CDH12: variants seen among roughly 807,000 people sequenced by gnomAD.
The protein encoded by CDH12 is cadherin-12.
CDH12 carries 41 observed loss-of-function variants against 74.1 expected under a neutral mutation model. The observed-to-expected ratio is 0.55, with a 90% CI of 0.43 to 0.72. The LOEUF (loss-of-function observed/expected upper bound fraction) is 0.72, where lower values mean the gene tolerates loss of function less well. Among genes scored for constraint, CDH12 ranks in the 30% least tolerant of loss-of-function variants. The pLI, the probability that CDH12 is intolerant of heterozygous loss-of-function variation, is 0.00. For synonymous variants in CDH12, 399 were observed against 355.0 expected, an observed-to-expected ratio of 1.12 and a Z score of -1.39; for missense variants, 945 against 977.2, an observed-to-expected ratio of 0.97 and a Z score of 0.44.
At chr5:22,457,655 T>C (rs143138383) in intron 2 of CDH12, among the ~76,000 whole-genome samples, 1,951 of 151,412 alleles carry the variant, frequency 0.013, 48 homozygotes, top group African/African-American at 0.045. Flanking sequence ...CTTGGCTCAT[T>C]GCAGCCTCCA....
At chr5:22,204,175 T>G (rs1409845314) in intron 4 of CDH12, among the ~76,000 whole-genome samples, 3 of 143,682 alleles carry the variant, frequency 2.1e-5, no homozygotes, top group Admixed American at 6.9e-5. Flanking sequence ...TTTTTTTTTT[T>G]GTTTTTTGTT....
At chr5:22,776,879 T>G (rs991289656) in intron 1 of CDH12, among the ~76,000 whole-genome samples, 1 of 152,188 alleles carries the variant, frequency 6.6e-6, no homozygotes, top group Admixed American at 6.6e-5. Context: ...CACCACCAAT[T>G]AAGATAAGTT....
chr5:21,768,620 G>C (rs1745153983), intron 11 of CDH12, among the ~76,000 whole-genome samples: 1 of 151,856 alleles, frequency 6.6e-6, no homozygotes, highest in Non-Finnish European at 1.5e-5. Flanking sequence ...TCTTAACATA[G>C]TTAAAACAGT....
chr5:22,730,415 T>A (rs1463311972), intron 1 of CDH12, among the ~76,000 whole-genome samples: 1 of 151,838 alleles, frequency 6.6e-6, no homozygotes, highest in Non-Finnish European at 1.5e-5. Flanking sequence ...TCAAAAAATA[T>A]CTCAGCAGTA....
chr5:22,615,535 C>T (rs1230320890), intron 1 of CDH12, among the ~76,000 whole-genome samples: 2 of 152,008 alleles, frequency 1.3e-5, no homozygotes, highest in African/African-American at 4.8e-5. Flanking sequence ...TAAATGGAGG[C>T]TGCTCTTCAA....
chr5:22,336,383 A>G (rs1311842924), intron 3 of CDH12, among the ~76,000 whole-genome samples: 1 of 152,206 alleles, frequency 6.6e-6, no homozygotes, highest in Non-Finnish European at 1.5e-5. Context: ...GTTAATCCCC[A>G]AGACAAGGGG....
At chr5:22,635,647 G>A (rs1247141217) in intron 1 of CDH12, among the ~76,000 whole-genome samples, 6 of 152,158 alleles carry the variant, frequency 3.9e-5, no homozygotes, top group Non-Finnish European at 8.8e-5. Flanking sequence ...TGGGCGCGGT[G>A]GCTCAAGCCT....
At chr5:21,786,506 A>G (rs1315953041) in intron 10 of CDH12, among the ~76,000 whole-genome samples, 1 of 152,118 alleles carries the variant, frequency 6.6e-6, no homozygotes, top group Non-Finnish European at 1.5e-5. Flanking sequence ...GGAAAAAAAA[A>G]AATCCTTTCC....
intron 3 of CDH12, among the ~76,000 whole-genome samples, chr5:22,335,110 T>A (rs768591631): frequency 6.6e-6 from 1 of 152,168 alleles, no homozygotes; most frequent in African/African-American, 2.4e-5. Flanking sequence ...GACAAGAGAT[T>A]AATAACGAGA....
intron 3 of CDH12, among the ~76,000 whole-genome samples, chr5:22,364,866 A>G (rs1561347059): frequency 6.6e-6 from 1 of 152,200 alleles, no homozygotes; most frequent in South Asian, 2.1e-4. Context: ...AGTAGAAGAA[A>G]TCAGGCCAAT....
chr5:22,493,601 T>C (rs1288663732), intron 2 of CDH12, among the ~76,000 whole-genome samples: 8 of 152,022 alleles, frequency 5.3e-5, no homozygotes, highest in African/African-American at 1.9e-4. Context: ...CCTTACTTTT[T>C]CCTTTAAGAA....
intron 6 of CDH12, among the ~76,000 whole-genome samples, chr5:21,886,924 C>T (rs1376935366): frequency 1.3e-5 from 2 of 152,042 alleles, no homozygotes; most frequent in Non-Finnish European, 2.9e-5. Flanking sequence ...TTGGCTATGA[C>T]TTGGGGCCGT....
chr5:22,489,146 C>T (rs1437359687), intron 2 of CDH12, among the ~76,000 whole-genome samples: 1 of 141,570 alleles, frequency 7.1e-6, no homozygotes, highest in Non-Finnish European at 1.5e-5. Flanking sequence ...CAAGCTCCAC[C>T]TCCTGGGTTC....
At chr5:22,519,410 T>A (rs1343348657) in intron 1 of CDH12, among the ~76,000 whole-genome samples, 1 of 148,278 alleles carries the variant, frequency 6.7e-6, no homozygotes, top group East Asian at 2.0e-4. Context: ...TACAGACAAC[T>A]CCGTATCCAC....
chr5:22,185,861 G>T (rs1340712878), intron 4 of CDH12, among the ~76,000 whole-genome samples: 2 of 152,146 alleles, frequency 1.3e-5, no homozygotes, highest in African/African-American at 2.4e-5. Flanking sequence ...GTATGCTAAG[G>T]CGTATGAAAG....
At chr5:21,798,221 C>T (rs1043237775) in intron 10 of CDH12, among the ~76,000 whole-genome samples, 4 of 149,276 alleles carry the variant, frequency 2.7e-5, no homozygotes, top group Non-Finnish European at 5.9e-5. Context: ...TTGGAGAATA[C>T]CTAACAAATA....
chr5:22,342,367 G>C (rs904951218), intron 3 of CDH12, among the ~76,000 whole-genome samples: 1 of 152,160 alleles, frequency 6.6e-6, no homozygotes, highest in Non-Finnish European at 1.5e-5. Context: ...CTAGAGATTT[G>C]AGGAGAATTA....
chr5:22,850,347 A>G (rs1210599297), intron 1 of CDH12, among the ~76,000 whole-genome samples: 1 of 152,072 alleles, frequency 6.6e-6, no homozygotes, highest in Non-Finnish European at 1.5e-5. Context: ...AACTGTCTTA[A>G]AGCTGAAAGT....
intron 4 of CDH12, among the ~76,000 whole-genome samples, chr5:22,158,920 G>C (rs1311392227): frequency 6.6e-6 from 1 of 152,214 alleles, no homozygotes; most frequent in South Asian, 2.1e-4. Context: ...TTGAAATTCT[G>C]TGACTCTTCA....
Sources: gnomAD v4.1 joint callset for allele counts (sites outside exome capture counted in the v4.1 genomes callset) on GRCh38, gnomAD v4.1.1 for gene constraint, MANE v1.5 for transcripts, NCBI Gene and HGNC (gene_info 2026-07-23, HGNC 2026-07-21) for gene names.